GABRA3: variants seen among roughly 807,000 people sequenced by gnomAD.
GABRA3 encodes gamma-aminobutyric acid receptor subunit alpha-3.
Under a neutral mutation model 30.1 loss-of-function variants are expected in GABRA3, and 10 were observed. The observed-to-expected ratio is 0.33, with a 90% confidence interval of 0.20 to 0.56. The LOEUF is 0.56. GABRA3 is among the 20% of genes least tolerant of loss of function. The pLI is 0.89. For missense variants in GABRA3, 233 were observed against 392.0 expected, an observed-to-expected ratio of 0.59 and a Z score of 3.42; for synonymous variants, 151 against 146.8, an observed-to-expected ratio of 1.03 and a Z score of -0.21.
chrX:152,175,223 A>G (rs2124328372), intron 9 of GABRA3, among the ~76,000 whole-genome samples: 1 of 110,029 alleles, frequency 9.1e-6, no homozygotes, highest in East Asian at 2.8e-4. Flanking sequence ...ACACTCATAA[A>G]TGTCACCAAT....
rs182693208 is a variant in GABRA3, at chrX:152,279,758, A to C, written c.330+4910T>G. Among the ~76,000 whole-genome samples, 44 of 111,499 alleles carry C rather than the reference A, an allele frequency of 3.9e-4. No homozygotes were observed. In the East Asian group the frequency reaches 7.4e-3, roughly 19 times the overall value. On this transcript the variant is annotated intron_variant, in intron 4 of 9. Coordinates refer to ENST00000370314, the MANE Select transcript of GABRA3 (RefSeq NM_000808.4). ...CTACCCATGTGCATGGAATGTTCTTACATTTGTTTGTATCCTCTTTTATTT... is the reference window on the plus strand; with the variant it reads ...CTACCCATGTGCATGGAATGTTCTTCCATTTGTTTGTATCCTCTTTTATTT...
chrX:152,342,351 T>C (rs1195881153), intron 3 of GABRA3, among the ~76,000 whole-genome samples: 1 of 112,061 alleles, frequency 8.9e-6, no homozygotes, highest in Non-Finnish European at 1.9e-5. Flanking sequence ...GTCAGAATCT[T>C]TTGACCAGTT....
intron 3 of GABRA3, among the ~76,000 whole-genome samples, chrX:152,317,810 G>A (rs979375004): frequency 4.5e-5 from 5 of 111,111 alleles, no homozygotes; most frequent in South Asian, 3.8e-4. Flanking sequence ...TCTGGGATAC[G>A]GCAAAAGCAG....
chrX:152,167,434 T>C lies in GABRA3; in HGVS notation c.*794A>G, dbSNP rs201414557. 8.9e-6 allele frequency: 1 copy of C among 112,342 alleles called. No homozygotes were observed. Among genetic ancestry groups the C allele is most frequent in the Non-Finnish European group, 1.9e-5 (1 of 53,297 alleles). The allele number at this position is 112,342 out of a possible 1,213,427, so 9.3% of individuals were successfully genotyped here. On this transcript the variant is annotated 3_prime_UTR_variant, in exon 10 of 10. Transcript: ENST00000370314. ...TAAAAAATGCTTGATCATTTTTTCCTGAAAAGTTTACAGGTGGTAATGAGT... is the reference window on the plus strand; with the variant it reads ...TAAAAAATGCTTGATCATTTTTTCCCGAAAAGTTTACAGGTGGTAATGAGT...
At chrX:152,374,185 ACT>A (rs1219095780) in intron 1 of GABRA3, among the ~76,000 whole-genome samples, 2 of 109,318 alleles carry the variant, frequency 1.8e-5, no homozygotes, top group African/African-American at 6.7e-5. Flanking sequence ...TTCCTTGTAG[ACT>A]CTATATAGCA....
rs1603237218 is a variant in GABRA3 at position 152,300,263 on chromosome X, A to G, written c.263-15528T>C. Reference sequence around the variant, plus strand: ...TAGATTAAAACCACAGTCTTGGACTATCTCCTAAGTGGTACATGTGTGAAA... The same window carrying G: ...TAGATTAAAACCACAGTCTTGGACTGTCTCCTAAGTGGTACATGTGTGAAA... On this transcript the variant is annotated intron_variant, in intron 3 of 9. Transcript: ENST00000370314. Among the ~76,000 whole-genome samples the G allele has an allele frequency of 2.7e-5, 3 of 112,345 alleles. No homozygotes were observed. In the Admixed American group the frequency reaches 2.8e-4, roughly 11 times the overall value.
chrX:152,177,341 G>A (rs950371039), intron 9 of GABRA3, among the ~76,000 whole-genome samples: 24 of 111,276 alleles, frequency 2.2e-4, no homozygotes, highest in African/African-American at 7.5e-4. Flanking sequence ...AGGAGGATAC[G>A]TCAAGAAAAA....
intron 3 of GABRA3, among the ~76,000 whole-genome samples, chrX:152,329,227 C>T (rs1462311137): frequency 1.8e-5 from 2 of 111,956 alleles, no homozygotes; most frequent in African/African-American, 6.5e-5. Context: ...ACATTCCATG[C>T]TCATGGATAG....
chrX:152,265,817 G>T (rs1008405999), intron 4 of GABRA3, among the ~76,000 whole-genome samples: 1 of 110,734 alleles, frequency 9.0e-6, no homozygotes, highest in African/African-American at 3.3e-5. Flanking sequence ...AAACTGATAA[G>T]GAAGAAATTC....
At chrX:152,211,801 G>C (rs1937631024) in intron 6 of GABRA3, among the ~76,000 whole-genome samples, 1 of 111,484 alleles carries the variant, frequency 9.0e-6, no homozygotes, top group Non-Finnish European at 1.9e-5. Context: ...AGAGTGGGGT[G>C]TTACAGAAGG....
At chrX:152,289,706 C>A (rs904821674) in intron 3 of GABRA3, among the ~76,000 whole-genome samples, 5 of 109,673 alleles carry the variant, frequency 4.6e-5, no homozygotes, top group Non-Finnish European at 9.5e-5. Context: ...GTGATGTTCC[C>A]TGCCCTGTGT....
At chrX:152,317,915 G>GA (rs754781237) in intron 3 of GABRA3, among the ~76,000 whole-genome samples, 1 of 110,761 alleles carries the variant, frequency 9.0e-6, no homozygotes, top group South Asian at 3.8e-4. Flanking sequence ...AGGATCCAGA[G>GA]AAATAACGGA....
chrX:152,342,960 G>A (rs1365853742), intron 3 of GABRA3, among the ~76,000 whole-genome samples: 1 of 111,534 alleles, frequency 9.0e-6, no homozygotes, highest in East Asian at 2.8e-4. Context: ...GTTTCCAGTG[G>A]TCTTTTCCTC....
intron 3 of GABRA3, among the ~76,000 whole-genome samples, chrX:152,341,302 G>A (rs1426448363): frequency 2.7e-5 from 3 of 110,695 alleles, no homozygotes; most frequent in Non-Finnish European, 5.7e-5. Flanking sequence ...GGTTGGTTCC[G>A]TATCTTTGCA....
intron 5 of GABRA3, among the ~76,000 whole-genome samples, chrX:152,225,328 T>C (rs901636499): frequency 1.8e-5 from 2 of 110,020 alleles, no homozygotes; most frequent in African/African-American, 6.6e-5. Flanking sequence ...ATAATTCTGC[T>C]GCTCACAGGA....
intron 5 of GABRA3, among the ~76,000 whole-genome samples, chrX:152,247,479 C>G (rs190818388): frequency 2.4e-4 from 27 of 111,667 alleles, no homozygotes; most frequent in Non-Finnish European, 1.5e-4. Flanking sequence ...AAGGTTTTCA[C>G]TAGCAGAATG....
chrX:152,433,484 C>T (rs1930698941), intron 1 of GABRA3, among the ~76,000 whole-genome samples: 1 of 107,947 alleles, frequency 9.3e-6, no homozygotes, highest in African/African-American at 3.4e-5. Context: ...AAAACAGCCA[C>T]AAAACAAAAA....
At chrX:152,186,100 TAAC>T (rs2124343440) in intron 9 of GABRA3, among the ~76,000 whole-genome samples, 1 of 112,251 alleles carries the variant, frequency 8.9e-6, no homozygotes, top group African/African-American at 3.2e-5. Context: ...GAGTCATTAA[TAAC>T]AACATTTGAA....
intron 4 of GABRA3, among the ~76,000 whole-genome samples, chrX:152,283,800 G>C (rs1317460519): frequency 8.9e-6 from 1 of 111,833 alleles, no homozygotes. Flanking sequence ...ACTCTAAATA[G>C]TGAACATGGG....
Sources: gnomAD v4.1 joint callset for allele counts (sites outside exome capture counted in the v4.1 genomes callset) on GRCh38, gnomAD v4.1.1 for gene constraint, MANE v1.5 for transcripts, NCBI Gene and HGNC (gene_info 2026-07-23, HGNC 2026-07-21) for gene names.